Variants in RIMS2 observed in about 807,000 individuals in gnomAD.
RIMS2 encodes regulating synaptic membrane exocytosis 2.
Under a neutral mutation model 174.4 loss-of-function variants are expected in RIMS2, and 59 were observed. The observed-to-expected ratio is 0.34, with a 90% CI of 0.27 to 0.42. The LOEUF is 0.42. Among genes scored for constraint, RIMS2 ranks in the 10% least tolerant of loss-of-function variants. The pLI is 1.00. For synonymous variants in RIMS2, 606 were observed against 572.5 expected, an observed-to-expected ratio of 1.06 and a Z score of -0.84; for missense variants, 1,620 against 1,666.3, an observed-to-expected ratio of 0.97 and a Z score of 0.48.
At chr8:103,697,366 A>T in intron 2 of RIMS2, 70 bp downstream of exon 4, 1 of 1,155,108 alleles carries the variant, frequency 8.7e-7, no homozygotes, top group East Asian at 2.4e-5. Flanking sequence ...GTTAGAGAGT[A>T]TGTTAATTCA....
intron 6 of RIMS2, among the ~76,000 whole-genome samples, chr8:103,913,152 G>C (rs922332275): frequency 7.4e-6 from 1 of 134,416 alleles, no homozygotes; most frequent in Admixed American, 7.3e-5. Context: ...TTTTTTTTTT[G>C]TATTTTTAGT....
intron 3 of RIMS2, among the ~76,000 whole-genome samples, chr8:103,863,600 T>G (rs1281354788): frequency 6.6e-6 from 1 of 151,982 alleles, no homozygotes; most frequent in African/African-American, 2.4e-5. Flanking sequence ...GGAAGTTTTT[T>G]TTTTGGTTAA....
intron 15 of RIMS2, among the ~76,000 whole-genome samples, chr8:103,973,754 C>T (rs531919670): frequency 4.0e-4 from 61 of 152,280 alleles, no homozygotes; most frequent in Non-Finnish European, 7.1e-4. Flanking sequence ...TGCTGCATCC[C>T]GCTGTGTTAG....
chr8:104,192,643 T>G (rs1303798617), intron 19 of RIMS2, among the ~76,000 whole-genome samples: 1 of 152,206 alleles, frequency 6.6e-6, no homozygotes, highest in Non-Finnish European at 1.5e-5. Flanking sequence ...AGAACTTGTC[T>G]TTCTGGAGAT....
At chr8:103,610,282 A>G (rs537922609) in intron 1 of RIMS2, among the ~76,000 whole-genome samples, 1 of 152,032 alleles carries the variant, frequency 6.6e-6, no homozygotes, top group African/African-American at 2.4e-5. Flanking sequence ...TGCAAAGGGG[A>G]TAGTTTGACT....
rs2096058295 is a variant in RIMS2, at chr8:104,020,412, A to G, written c.3334+5797A>G. Among the ~76,000 whole-genome samples the G allele has an allele frequency of 2.0e-5, 3 of 152,082 alleles. No individual in the cohort carries two copies. In the South Asian group the frequency reaches 6.2e-4, roughly 31 times the overall value. On this transcript the variant is annotated intron_variant, in intron 19 of 23. Coordinates refer to ENST00000504942, the Ensembl canonical transcript of RIMS2. ...ACTGACATTTGTAATATATTTGAAT[A>G]TGCTTTTTAAAATAAGCATAAGTAT... is the stretch of plus-strand genomic sequence containing the variant.
intron 3 of RIMS2, among the ~76,000 whole-genome samples, chr8:103,790,656 C>T (rs926977241): frequency 2.1e-4 from 32 of 151,930 alleles, no homozygotes; most frequent in Non-Finnish European, 4.7e-4. Flanking sequence ...ATTTGTATTT[C>T]CCTAATGACC....
chr8:104,074,005 CACTGTTATCTAA>C, intron 19 of RIMS2, among the ~76,000 whole-genome samples: 1 of 152,016 alleles, frequency 6.6e-6, no homozygotes, highest in East Asian at 1.9e-4. Context: ...ATTAAAATGC[CACTGTTATCTAA>C]ACTGTTTGTT....
chr8:103,786,657 C>A (rs888244431), intron 3 of RIMS2, among the ~76,000 whole-genome samples: 40 of 152,064 alleles, frequency 2.6e-4, no homozygotes, highest in Non-Finnish European at 4.4e-5. Context: ...AATTTCTGTT[C>A]TTTTACATTT....
chr8:103,517,783 C>G (rs563761864), intron 1 of RIMS2, among the ~76,000 whole-genome samples: 4 of 152,160 alleles, frequency 2.6e-5, no homozygotes, highest in Admixed American at 2.6e-4. Flanking sequence ...TCCTGAGGCA[C>G]AGTGCTTTCA....
chr8:104,238,538 G>T (rs1407464379), intron 19 of RIMS2, among the ~76,000 whole-genome samples: 11 of 152,040 alleles, frequency 7.2e-5, no homozygotes, highest in Non-Finnish European at 4.4e-5. Flanking sequence ...TGATGAAGGT[G>T]CTGGAGACAA....
chr8:103,604,449 T>C (rs2094940020), intron 1 of RIMS2, among the ~76,000 whole-genome samples: 1 of 152,182 alleles, frequency 6.6e-6, no homozygotes, highest in Non-Finnish European at 1.5e-5. Flanking sequence ...TCCAGCTTTG[T>C]TCTTTTGGCT....
chr8:103,955,554 T>C (rs1044675462), intron 14 of RIMS2, among the ~76,000 whole-genome samples: 1 of 152,154 alleles, frequency 6.6e-6, no homozygotes, highest in African/African-American at 2.4e-5. Flanking sequence ...TCAACACCCC[T>C]TCATGCTAAA....
intron 19 of RIMS2, among the ~76,000 whole-genome samples, chr8:104,090,049 C>T (rs2097612097): frequency 6.8e-6 from 1 of 147,446 alleles, no homozygotes; most frequent in Non-Finnish European, 1.5e-5. Context: ...CATTTATATA[C>T]ACATGCACAT....
intron 3 of RIMS2, among the ~76,000 whole-genome samples, chr8:103,785,711 G>A (rs1054206893): frequency 2.6e-5 from 4 of 152,164 alleles, no homozygotes; most frequent in African/African-American, 4.8e-5. Context: ...TGTTCATCAA[G>A]GATATTGGTC....
At chr8:103,789,261 G>A (rs137866976) in intron 3 of RIMS2, among the ~76,000 whole-genome samples, 4,732 of 151,986 alleles carry the variant, frequency 0.031, 223 homozygotes, top group African/African-American at 0.11. Flanking sequence ...GCTGTAGACC[G>A]GAGCTGTTCC....
At chr8:104,173,986 A>ACC (rs2098849479) in intron 19 of RIMS2, among the ~76,000 whole-genome samples, 1 of 150,020 alleles carries the variant, frequency 6.7e-6, no homozygotes, top group South Asian at 2.1e-4. Flanking sequence ...TTCTCTCGTC[A>ACC]CCCAGGCTGG....
chr8:103,948,311 G>A (rs28884544), intron 14 of RIMS2, among the ~76,000 whole-genome samples: 2,247 of 152,250 alleles, frequency 0.015, 51 homozygotes, highest in African/African-American at 0.05. Context: ...TAAATTTACC[G>A]TATGACCACT....
chr8:103,769,474 C>T (rs992964833), intron 3 of RIMS2, among the ~76,000 whole-genome samples: 2 of 152,142 alleles, frequency 1.3e-5, no homozygotes, highest in African/African-American at 2.4e-5. Context: ...CAGGCACCCA[C>T]CACCATGCCT....
Sources: allele counts gnomAD v4.1 joint callset (sites outside exome capture counted in the v4.1 genomes callset), GRCh38; gene constraint gnomAD v4.1.1; transcripts MANE v1.5; gene names NCBI Gene and HGNC (gene_info 2026-07-23, HGNC 2026-07-21).